Variants in PDE1A observed in about 807,000 individuals in gnomAD.
The protein encoded by PDE1A is dual specificity calcium/calmodulin-dependent 3',5'-cyclic nucleotide phosphodiesterase 1A.
PDE1A carries 35 observed loss-of-function variants against 61.7 expected under a neutral mutation model. The observed-to-expected ratio is 0.57, with a 90% CI of 0.43 to 0.75. The LOEUF (loss-of-function observed/expected upper bound fraction) is 0.75. Among genes scored for constraint, PDE1A ranks in the 30% least tolerant of loss-of-function variants. The pLI, the probability that PDE1A is intolerant of heterozygous loss-of-function variation, is 0.00. For missense variants in PDE1A, 597 were observed against 630.6 expected (o/e 0.95, Z 0.57); for synonymous variants, 232 against 213.2 (o/e 1.09, Z -0.77).
the PDE1A span, among the ~76,000 whole-genome samples, chr2:182,599,960 T>A: frequency 6.6e-6 from 1 of 152,210 alleles, no homozygotes; most frequent in African/African-American, 2.4e-5. Flanking sequence ...ATCTTCAGGT[T>A]GCTACTTCAA....
chr2:182,403,426 C>T (rs1055072264), intron 1 of PDE1A, among the ~76,000 whole-genome samples: 10 of 151,820 alleles, frequency 6.6e-5, no homozygotes, highest in Admixed American at 6.6e-5. Context: ...GGTGAAACCC[C>T]GTCTCTACTA....
chr2:182,538,580 T>G, the PDE1A span, among the ~76,000 whole-genome samples: 1 of 152,208 alleles, frequency 6.6e-6, no homozygotes, highest in South Asian at 2.1e-4. Context: ...CTTCATTTGT[T>G]TGACTATACA....
chr2:182,186,444 A>C, intron 12 of PDE1A, 24 bp downstream of exon 12: 1 of 1,606,530 alleles, frequency 6.2e-7, no homozygotes, highest in Non-Finnish European at 8.5e-7. Context: ...GATGAAAAAT[A>C]ATGCAAAAAA....
intron 13 of PDE1A, among the ~76,000 whole-genome samples, chr2:182,182,088 T>C (rs749675053): frequency 6.6e-6 from 1 of 152,198 alleles, no homozygotes; most frequent in Non-Finnish European, 1.5e-5. Flanking sequence ...TTGATGCATA[T>C]GCACAAAAGT....
At chr2:182,464,295 T>C (rs1212306172) in intron 2 of PDE1A, among the ~76,000 whole-genome samples, 1 of 152,152 alleles carries the variant, frequency 6.6e-6, no homozygotes, top group Admixed American at 6.5e-5. Context: ...TAGGGACCAC[T>C]GCAACAGGGT....
intron 2 of PDE1A, among the ~76,000 whole-genome samples, chr2:182,485,492 C>T (rs1323252453): frequency 1.3e-5 from 2 of 151,904 alleles, no homozygotes; most frequent in Non-Finnish European, 2.9e-5. Flanking sequence ...GTAACTTTCA[C>T]ACGTACCCCC....
At chr2:182,562,068 C>A in the PDE1A span, among the ~76,000 whole-genome samples, 1 of 150,144 alleles carries the variant, frequency 6.7e-6, no homozygotes, top group African/African-American at 2.4e-5. Context: ...TGCCTGATTG[C>A]CCTGGCCAGA....
intron 1 of PDE1A, among the ~76,000 whole-genome samples, chr2:182,363,841 A>G (rs180968888): frequency 9.2e-5 from 14 of 152,180 alleles, no homozygotes; most frequent in African/African-American, 3.4e-4. Context: ...AATAGTCTCA[A>G]TAAAAGATGT....
intron 13 of PDE1A, among the ~76,000 whole-genome samples, chr2:182,172,454 A>G (rs1035973414): frequency 6.6e-6 from 1 of 152,044 alleles, no homozygotes; most frequent in African/African-American, 2.4e-5. Context: ...ACATACTCCA[A>G]TCATATCTCA....
At chr2:182,694,875 A>T in the PDE1A span, among the ~76,000 whole-genome samples, 1 of 151,044 alleles carries the variant, frequency 6.6e-6, no homozygotes, top group East Asian at 1.9e-4. Context: ...AAAGACAAGA[A>T]ATAGAGAAGA....
At chr2:182,521,256 T>C (rs777658768) in intron 2 of PDE1A, among the ~76,000 whole-genome samples, 7 of 152,086 alleles carry the variant, frequency 4.6e-5, no homozygotes, top group Non-Finnish European at 1.0e-4. Context: ...TTTACTCAGG[T>C]ACTGAATTTT....
chr2:182,191,912 A>G, intron 10 of PDE1A, among the ~76,000 whole-genome samples: 1 of 151,066 alleles, frequency 6.6e-6, no homozygotes, highest in African/African-American at 2.4e-5. Context: ...CTGGAGTGCA[A>G]TGGCGCAATC....
chr2:182,712,639 C>T, the PDE1A span, among the ~76,000 whole-genome samples: 5 of 152,248 alleles, frequency 3.3e-5, no homozygotes, highest in Non-Finnish European at 5.9e-5. Flanking sequence ...TCACTGCAAG[C>T]TCCGCCTCTC....
intron 2 of PDE1A, among the ~76,000 whole-genome samples, chr2:182,519,718 T>C (rs1452603917): frequency 6.6e-6 from 1 of 151,900 alleles, no homozygotes; most frequent in East Asian, 1.9e-4. Context: ...CTCTAAAATG[T>C]TATGTCATAT....
chr2:182,239,123 TAC>T (rs1380097547), intron 3 of PDE1A, among the ~76,000 whole-genome samples: 3 of 152,220 alleles, frequency 2.0e-5, no homozygotes, highest in African/African-American at 7.2e-5. Flanking sequence ...CATTCTCATT[TAC>T]ACTTTTAGAA....
chr2:182,578,285 C>G, the PDE1A span, among the ~76,000 whole-genome samples: 1 of 152,002 alleles, frequency 6.6e-6, no homozygotes, highest in East Asian at 1.9e-4. Flanking sequence ...ATCTGAGTTT[C>G]TTACAAAGCA....
At chr2:182,279,702 TAC>T (rs1186872597) in intron 1 of PDE1A, among the ~76,000 whole-genome samples, 1 of 151,926 alleles carries the variant, frequency 6.6e-6, no homozygotes, top group African/African-American at 2.4e-5. Context: ...AATTTACAAA[TAC>T]ATATAGTTTT....
chr2:182,293,145 C>T (rs1255019289), intron 1 of PDE1A, among the ~76,000 whole-genome samples: 1 of 152,002 alleles, frequency 6.6e-6, no homozygotes, highest in Admixed American at 6.6e-5. Flanking sequence ...ACAGAATTGA[C>T]AGTCATCAGT....
At chr2:182,465,695 C>T (rs1686613712) in intron 2 of PDE1A, among the ~76,000 whole-genome samples, 1 of 152,000 alleles carries the variant, frequency 6.6e-6, no homozygotes, top group Non-Finnish European at 1.5e-5. Flanking sequence ...TTACTGACTT[C>T]ACGTCTGCTG....
Sources: gnomAD v4.1 joint callset for allele counts (sites outside exome capture counted in the v4.1 genomes callset) on GRCh38, gnomAD v4.1.1 for gene constraint, MANE v1.5 for transcripts, NCBI Gene and HGNC (gene_info 2026-07-23, HGNC 2026-07-21) for gene names.